NSD3: variants seen among roughly 807,000 people sequenced by gnomAD.
The protein encoded by NSD3 is histone-lysine N-methyltransferase NSD3.
A neutral mutation model predicts 160.8 loss-of-function variants in NSD3; 24 were observed. The ratio of observed to expected loss-of-function variants is 0.15; its 90% CI spans 0.11 to 0.21. The LOEUF (loss-of-function observed/expected upper bound fraction) is 0.21, where lower values mean the gene tolerates loss of function less well. Ranked by LOEUF, NSD3 falls within the 10% of genes least tolerant of loss-of-function variation. The pLI is 1.00. For missense variants in NSD3, 1,157 were observed against 1,735.9 expected (o/e 0.67, Z 5.93); for synonymous variants, 520 against 600.0 (o/e 0.87, Z 1.95).
rs1809700503 is a variant in NSD3 at position 38,317,612 on chromosome 8, T to C, written c.1855+1283A>G. On this transcript the variant is annotated intron_variant, in intron 9 of 23. Transcript: ENST00000317025. This position sits in a 1 kb window ranked among gnomAD's most constrained non-coding sequence, Gnocchi z 5.3. ...ATTGTAATGTATACAGTTTGGGCTG[T>C]TTGGCAAACCCCTGCAGATGTGCAT... 1 of 1,130,660 alleles carries C rather than the reference T, an allele frequency of 8.8e-7. No individual in the cohort carries two copies. The highest frequency in any genetic ancestry group is 1.6e-5 in the African/African-American group (1 of 62,242). 70.0% of individuals were successfully genotyped at this position (1,130,660 alleles called of 1,614,324 possible).
chr8:38,341,271 A>G (rs28674538), intron 2 of NSD3, among the ~76,000 whole-genome samples: 33,906 of 151,850 alleles, frequency 0.22, 4,015 homozygotes, highest in East Asian at 0.31. Flanking sequence ...CAGGCACAGT[A>G]GCTCACACCT....
rs529020331 is a variant in NSD3 at position 38,281,033 on chromosome 8, GGTGT to G, written c.3618+430_3618+433del. 3.3e-3 allele frequency among the ~76,000 whole-genome samples: 505 copies of G among 152,234 alleles called. 1 individual carries two copies. The highest frequency in any genetic ancestry group is 5.6e-3 in the Non-Finnish European group (380 of 68,000). ...AGCCTCCCAAAGTATTGGGATTACA[GGTGT>G]AAGCCACCATGCCCTGCCGAAAAGT... is the stretch of plus-strand genomic sequence containing the variant. On this transcript the variant is annotated intron_variant, in intron 20 of 23. Transcript: ENST00000317025.
At chr8:38,348,562 T>C (rs1332637270) in intron 1 of NSD3, among the ~76,000 whole-genome samples, 1 of 152,254 alleles carries the variant, frequency 6.6e-6, no homozygotes, top group African/African-American at 2.4e-5. Context: ...ATAAGCAGTG[T>C]CCTGACACAT....
At position 38,272,824 on chromosome 8, in the gene NSD3, G is replaced by A. The variant is rs1321700328; in HGVS notation, c.*2817C>T. 1 of 152,124 alleles carries A rather than the reference G, an allele frequency of 6.6e-6. No individual in the cohort carries two copies. Among genetic ancestry groups the A allele is most frequent in the African/African-American group, 2.4e-5 (1 of 41,402 alleles). The allele number at this position is 152,124 out of a possible 1,614,324, so 9.4% of individuals were successfully genotyped here. A position where few individuals can be genotyped will look rare whatever the true frequency, so the allele number is the denominator to read the frequency against. On this transcript the variant is annotated 3_prime_UTR_variant, in exon 24 of 24. Coordinates refer to ENST00000317025, the MANE Select transcript of NSD3 (RefSeq NM_023034.2). ...CAATGTCTTTTGGAATATTTCATTG[G>A]TGTATCACAGGCACAGTGCATGTAT... is the stretch of plus-strand genomic sequence containing the variant.
chr8:38,276,957 T>C (rs1274705995), intron 22 of NSD3, among the ~76,000 whole-genome samples: 2 of 152,082 alleles, frequency 1.3e-5, no homozygotes. Flanking sequence ...ATTGACTTTT[T>C]TTGGAGACTG....
At chr8:38,376,596 C>G (rs900688743) in intron 1 of NSD3, among the ~76,000 whole-genome samples, 1 of 151,974 alleles carries the variant, frequency 6.6e-6, no homozygotes, top group Non-Finnish European at 1.5e-5. Flanking sequence ...CCACCGGGCC[C>G]GGCTAATTTT....
intron 4 of NSD3, 37 bp downstream of exon 4, chr8:38,337,268 A>T: frequency 2.7e-6 from 4 of 1,500,890 alleles, no homozygotes; most frequent in Non-Finnish European, 3.6e-6. Context: ...TTTTATTTCC[A>T]ACCTTTTACT....
At chr8:38,357,159 TATCATTATTTAA>T in intron 1 of NSD3, among the ~76,000 whole-genome samples, 1 of 143,586 alleles carries the variant, frequency 7.0e-6, no homozygotes, top group Non-Finnish European at 1.5e-5. Flanking sequence ...CTTACATTGA[TATCATTATTTAA>T]GCATTTTGGA....
In NSD3 at chr8:38,270,985, C is replaced by A. The variant is rs1333140705; in HGVS notation, c.*4656G>T. ...ACATTTTGGGAGTGTAACGTAAGTG[C>A]AATTTTTTGTTTTGTTTTTTTCCCT... On this transcript the variant is annotated 3_prime_UTR_variant, in exon 24 of 24. Transcript: ENST00000317025. 6.6e-6 allele frequency: 1 copy of A among 152,096 alleles called. No individual in the cohort carries two copies. Among genetic ancestry groups the A allele is most frequent in the Non-Finnish European group, 1.5e-5 (1 of 68,028 alleles). 9.4% of individuals were successfully genotyped at this position (152,096 alleles called of 1,614,324 possible).
chr8:38,342,715 G>A (rs1476093875), intron 2 of NSD3, among the ~76,000 whole-genome samples: 1 of 151,638 alleles, frequency 6.6e-6, no homozygotes, highest in African/African-American at 2.4e-5. Context: ...TTACAGGCAC[G>A]CGCCACCACG....
rs772634242 is a variant in NSD3, at chr8:38,329,686, C to T, written c.1273G>A (p.Val425Met). Residue 425 changes from valine to methionine, a missense_variant, in exon 6 of 24, where the codon GTG becomes ATG. By Grantham distance (21) the Val-to-Met change is conservative. This residue lies in a region of NSD3 where 168 missense variants were observed against 208.1 expected (regional missense o/e 0.81). Transcript: ENST00000317025. The surrounding 1 kb of genome is among the most constrained non-coding windows in gnomAD (Gnocchi z 4.8). ...GTCTGTTCTGGCTGAGTATTCAGCACAGATCTTGGTCGTCGGGTTTTTTTA... is the reference window on the plus strand; with the variant it reads ...GTCTGTTCTGGCTGAGTATTCAGCATAGATCTTGGTCGTCGGGTTTTTTTA... ...EVKKTRRPRSVLNTQPEQTNA... is the reference protein window; with the variant it reads ...EVKKTRRPRSMLNTQPEQTNA... The T allele has an allele frequency of 2.5e-6, 4 of 1,614,130 alleles. No individual in the cohort carries two copies. The highest frequency in any genetic ancestry group is 3.4e-6 in the Non-Finnish European group (4 of 1,180,064).
At chr8:38,338,912 C>A (rs1180257588) in intron 2 of NSD3, among the ~76,000 whole-genome samples, 1 of 152,064 alleles carries the variant, frequency 6.6e-6, no homozygotes, top group African/African-American at 2.4e-5. Context: ...GAGGCTAAGG[C>A]AGGCAGATCA....
chr8:38,343,830 C>T lies in NSD3; in HGVS notation c.675+3667G>A, dbSNP rs1173049301. On this transcript the variant is annotated intron_variant, in intron 2 of 23. Coordinates refer to ENST00000317025, the MANE Select transcript of NSD3 (RefSeq NM_023034.2). Reference sequence around the variant, plus strand: ...GAACCAAACCTGCTACCTTAGTGTTCACGGGACTGATCCAGCCACTCTGCT... The same window carrying T: ...GAACCAAACCTGCTACCTTAGTGTTTACGGGACTGATCCAGCCACTCTGCT... Among the ~76,000 whole-genome samples the T allele has an allele frequency of 3.9e-5, 6 of 152,308 alleles. No homozygotes were observed. In the East Asian group the frequency reaches 9.6e-4, roughly 24 times the overall value.
intron 7 of NSD3, among the ~76,000 whole-genome samples, chr8:38,325,973 C>T (rs1809900860): frequency 6.6e-6 from 1 of 151,950 alleles, no homozygotes; most frequent in South Asian, 2.1e-4. Context: ...CATGGTGAAA[C>T]TTTGTCTCTA....
chr8:38,296,690 G>GT lies in NSD3; in HGVS notation c.2759-739dup, dbSNP rs1034704302. Among the ~76,000 whole-genome samples, 12 of 150,820 alleles carry GT rather than the reference G, an allele frequency of 8.0e-5. No individual in the cohort carries two copies. In the South Asian group the frequency reaches 1.0e-3, roughly 13 times the overall value. ...TCTCTCCCTCTGTGTGTGTGTGTGT[G>GT]TGTGTGTGTGTGTGTGTGTGTGTGT... On this transcript the variant is annotated intron_variant, in intron 15 of 23. Transcript: ENST00000317025.
At chr8:38,302,178 A>G (rs1402802049) in intron 14 of NSD3, among the ~76,000 whole-genome samples, 3 of 152,254 alleles carry the variant, frequency 2.0e-5, no homozygotes, top group African/African-American at 4.8e-5. Flanking sequence ...ATGTGGAGGG[A>G]AAAATTCTGT....
chr8:38,310,479 A>C (rs1470377560), intron 12 of NSD3, among the ~76,000 whole-genome samples: 1 of 152,126 alleles, frequency 6.6e-6, no homozygotes, highest in African/African-American at 2.4e-5. Context: ...GTTGCTATGA[A>C]TATGAATATG....
intron 1 of NSD3, among the ~76,000 whole-genome samples, chr8:38,360,590 A>T (rs1485136964): frequency 6.6e-6 from 1 of 152,214 alleles, no homozygotes; most frequent in Non-Finnish European, 1.5e-5. Context: ...TCAATTCTCC[A>T]AATGACAAAA....
rs1020975431 is a variant in NSD3 at position 38,272,796 on chromosome 8, G to A, written c.*2845C>T. The A allele has an allele frequency of 9.2e-5, 14 of 152,324 alleles. No homozygotes were observed. Among genetic ancestry groups the A allele is most frequent in the Non-Finnish European group, 1.9e-4 (13 of 68,034 alleles). 9.4% of individuals were successfully genotyped at this position (152,324 alleles called of 1,614,324 possible). Reference sequence around the variant, plus strand: ...CAAATACCAACTTCAGACTATGAGTGAGCAATGTCTTTTGGAATATTTCAT... The same window carrying A: ...CAAATACCAACTTCAGACTATGAGTAAGCAATGTCTTTTGGAATATTTCAT... On this transcript the variant is annotated 3_prime_UTR_variant, in exon 24 of 24. Coordinates refer to ENST00000317025, the MANE Select transcript of NSD3 (RefSeq NM_023034.2).
Sources: allele counts gnomAD v4.1 joint callset (sites outside exome capture counted in the v4.1 genomes callset), GRCh38; gene constraint gnomAD v4.1.1; regional missense constraint gnomAD v4.1.1; non-coding constraint Gnocchi (gnomAD v3.1); transcripts MANE v1.5; gene names NCBI Gene and HGNC (gene_info 2026-07-23, HGNC 2026-07-21).